CEP128: variants seen among roughly 807,000 people sequenced by gnomAD.
CEP128 encodes centrosomal protein 128kDa.
CEP128 carries 132 observed loss-of-function variants against 156.7 expected under a neutral mutation model. That is an observed-to-expected ratio of 0.84 (90% CI 0.73 to 0.97). CEP128 has a LOEUF of 0.97. Ranked by LOEUF, CEP128 falls within the 50% of genes least tolerant of loss-of-function variation. The probability of loss-of-function intolerance (pLI) is 0.00; values close to 1 mark genes in which losing one functional copy is unlikely to be tolerated. For missense variants in CEP128, 1,252 were observed against 1,281.9 expected (o/e 0.98, Z 0.36); for synonymous variants, 469 against 448.9 (o/e 1.04, Z -0.57).
At chr14:80,579,766 G>A (rs1450012862) in intron 20 of CEP128, among the ~76,000 whole-genome samples, 1 of 152,192 alleles carries the variant, frequency 6.6e-6, no homozygotes, top group East Asian at 1.9e-4. Context: ...AGACACTTGA[G>A]TTACCCATTT....
chr14:80,604,606 G>A (rs930487845), intron 19 of CEP128, among the ~76,000 whole-genome samples: 7 of 151,976 alleles, frequency 4.6e-5, no homozygotes, highest in African/African-American at 1.2e-4. Context: ...ACGTATCCTC[G>A]GTTAGCTTTT....
intron 2 of CEP128, chr14:80,958,159 T>G (rs2139677555): frequency 6.6e-6 from 1 of 151,932 alleles, no homozygotes. Flanking sequence ...AAGCTAACAA[T>G]TATATTGTGT....
At chr14:80,636,490 G>T (rs1882053079) in intron 19 of CEP128, among the ~76,000 whole-genome samples, 2 of 151,848 alleles carry the variant, frequency 1.3e-5, no homozygotes, top group South Asian at 4.2e-4. Context: ...TCCAGGCTTT[G>T]CAGAAACACA....
rs529878155 is a variant in CEP128 at position 80,853,981 on chromosome 14, A to G, written c.762+8776T>C. On this transcript the variant is annotated intron_variant, in intron 9 of 24. Coordinates refer to ENST00000555265, the MANE Select transcript of CEP128 (RefSeq NM_152446.5). Reference sequence around the variant, plus strand: ...TTTCCTCTCTCCTATTAAAAAAAAAATCCCCGGGGGGAAAGAGAGAAATCC... The same window carrying G: ...TTTCCTCTCTCCTATTAAAAAAAAAGTCCCCGGGGGGAAAGAGAGAAATCC... 7.2e-5 allele frequency among the ~76,000 whole-genome samples: 7 copies of G among 96,622 alleles called. No homozygotes were observed. The South Asian group carries it at 2.5e-3, about 35-fold the overall frequency. The allele number at this position is 96,622 out of a possible 152,430, so 63.4% of individuals were successfully genotyped here. A position where few individuals can be genotyped will look rare whatever the true frequency, so the allele number is the denominator to read the frequency against.
intron 19 of CEP128, among the ~76,000 whole-genome samples, chr14:80,709,820 T>C (rs1357507805): frequency 6.6e-6 from 1 of 152,142 alleles, no homozygotes; most frequent in African/African-American, 2.4e-5. Context: ...GAATGGGGTC[T>C]TCTTTTGCAT....
chr14:80,913,147 T>C (rs1188530768), intron 4 of CEP128, among the ~76,000 whole-genome samples: 3 of 152,192 alleles, frequency 2.0e-5, no homozygotes, highest in Admixed American at 2.0e-4. Context: ...AAGGGCAATT[T>C]TGAAATATCC....
intron 8 of CEP128, among the ~76,000 whole-genome samples, chr14:80,887,819 G>A (rs765415253): frequency 1.7e-4 from 26 of 151,858 alleles, no homozygotes; most frequent in Non-Finnish European, 2.9e-4. Flanking sequence ...AAAAACCTTC[G>A]AAAAATCAAG....
At chr14:80,949,391 A>G (rs1886412855) in intron 2 of CEP128, among the ~76,000 whole-genome samples, 1 of 152,170 alleles carries the variant, frequency 6.6e-6, no homozygotes, top group Non-Finnish European at 1.5e-5. Context: ...AAAACTTCCG[A>G]GAACTATAAA....
upstream of CEP128, among the ~76,000 whole-genome samples, chr14:80,942,720 T>C (rs145016895): frequency 0.012 from 1,751 of 152,250 alleles, 14 homozygotes; most frequent in Admixed American, 0.021. Context: ...ACCTTTTTTG[T>C]ACATTTTTAT....
intron 19 of CEP128, among the ~76,000 whole-genome samples, chr14:80,659,287 C>T (rs1353226307): frequency 6.6e-6 from 1 of 151,924 alleles, no homozygotes; most frequent in Admixed American, 6.6e-5. Flanking sequence ...AAAAAAAATA[C>T]AGTTTCTAAA....
intron 15 of CEP128, among the ~76,000 whole-genome samples, chr14:80,781,531 G>A (rs1008401490): frequency 3.3e-5 from 5 of 151,976 alleles, no homozygotes; most frequent in Admixed American, 3.3e-4. Flanking sequence ...GGGCTGGAGT[G>A]GAGACTTTAT....
intron 19 of CEP128, among the ~76,000 whole-genome samples, chr14:80,670,213 C>G (rs545688674): frequency 8.5e-5 from 13 of 152,244 alleles, no homozygotes; most frequent in African/African-American, 3.1e-4. Flanking sequence ...GAGATTTAAG[C>G]AGGGCAAATA....
At chr14:80,610,255 A>C (rs915504603) in intron 19 of CEP128, among the ~76,000 whole-genome samples, 13 of 152,132 alleles carry the variant, frequency 8.5e-5, no homozygotes, top group Admixed American at 6.5e-4. Flanking sequence ...ACTGGGAACT[A>C]AGCTCTGTAT....
chr14:80,880,624 A>T (rs2139311432), intron 8 of CEP128, among the ~76,000 whole-genome samples: 1 of 151,932 alleles, frequency 6.6e-6, no homozygotes, highest in East Asian at 1.9e-4. Context: ...TGGGAGGCCA[A>T]GGTGGGCGGA....
At chr14:80,656,018 G>C (rs889972824) in intron 19 of CEP128, among the ~76,000 whole-genome samples, 3 of 151,672 alleles carry the variant, frequency 2.0e-5, no homozygotes, top group African/African-American at 7.3e-5. Context: ...CTTCTAGTCA[G>C]CTTTACTAAA....
chr14:80,932,838 C>T lies in CEP128; in HGVS notation c.-16+6547G>A, dbSNP rs367952722. Among the ~76,000 whole-genome samples, 9 of 152,082 alleles carry T rather than the reference C, an allele frequency of 5.9e-5. No individual in the cohort carries two copies. The South Asian group carries it at 1.5e-3, about 25-fold the overall frequency. ...AAAAAATTGTCCTCCATGAAAAGTG[C>T]CTCTGGTGCCAAAAAGGTTGGGGAC... On this transcript the variant is annotated intron_variant, in intron 2 of 24. Transcript: ENST00000555265.
intron 8 of CEP128, among the ~76,000 whole-genome samples, chr14:80,877,245 C>A (rs888614379): frequency 5.3e-5 from 8 of 151,230 alleles, no homozygotes; most frequent in East Asian, 1.9e-4. Context: ...AAAACACACA[C>A]AAAAAATGGA....
intron 14 of CEP128, among the ~76,000 whole-genome samples, chr14:80,483,525 C>T (rs953906993): frequency 2.6e-5 from 4 of 152,142 alleles, no homozygotes; most frequent in South Asian, 2.1e-4. Flanking sequence ...AAGAACAACA[C>T]GGCGATGTGA....
intron 2 of CEP128, among the ~76,000 whole-genome samples, chr14:80,920,333 C>T (rs903801837): frequency 6.6e-6 from 1 of 152,056 alleles, no homozygotes; most frequent in Non-Finnish European, 1.5e-5. Context: ...ATGGAGTGGC[C>T]GCTGAAGTTG....
Sources: gnomAD v4.1 joint callset for allele counts (sites outside exome capture counted in the v4.1 genomes callset) on GRCh38, gnomAD v4.1.1 for gene constraint, MANE v1.5 for transcripts, NCBI Gene and HGNC (gene_info 2026-07-23, HGNC 2026-07-21) for gene names.